The following COPS7A variants were observed in gnomAD, a reference collection of about 807,000 sequenced individuals.
The protein encoded by COPS7A is COP9 signalosome subunit 7A, also known as COP9 signalosome complex subunit 7a.
Under a neutral mutation model 35.2 loss-of-function variants are expected in COPS7A, and 20 were observed. The ratio of observed to expected loss-of-function variants is 0.57; its 90% CI spans 0.40 to 0.83. COPS7A has a LOEUF of 0.83. Among genes scored for constraint, COPS7A ranks in the 40% least tolerant of loss-of-function variants. The pLI is 0.00. For synonymous variants in COPS7A, 139 were observed against 141.4 expected (o/e 0.98, Z 0.12); for missense variants, 247 against 347.5 (o/e 0.71, Z 2.30).
chr12:6,731,377 G>C lies in COPS7A; in HGVS notation c.*338G>C. On this transcript the variant is annotated 3_prime_UTR_variant, in exon 8 of 8. Transcript: ENST00000543155. ...GCCCTGATGGGGGTCGCTCTGTCTG[G>C]AGCATAACCCACAGGCGTTTTTTCT... 3 of 1,323,738 alleles carry C rather than the reference G, an allele frequency of 2.3e-6. No homozygotes were observed. Among genetic ancestry groups the C allele is most frequent in the Non-Finnish European group, 2.9e-6 (3 of 1,027,762 alleles). 82.0% of individuals were successfully genotyped at this position (1,323,738 alleles called of 1,614,324 possible). A position where few individuals can be genotyped will look rare whatever the true frequency, so the allele number is the denominator to read the frequency against.
rs1017401342 is a variant in COPS7A at position 6,729,945 on chromosome 12, C to T, written c.531-457C>T. ...GCTTCCTTATCCCTCTCTGACCACA[C>T]CGAGTGTCCATCCCACTGCTAGGAG... On this transcript the variant is annotated intron_variant, in intron 5 of 7. Transcript: ENST00000543155. The surrounding 1 kb of genome is among the most constrained non-coding windows in gnomAD (Gnocchi z 4.2). Among the ~76,000 whole-genome samples the T allele has an allele frequency of 2.0e-5, 3 of 152,192 alleles. No individual in the cohort carries two copies. Among genetic ancestry groups the T allele is most frequent in the Admixed American group, 1.3e-4 (2 of 15,274 alleles).
chr12:6,725,884 T>C (rs1245630246), intron 2 of COPS7A: 1 of 456,072 alleles, frequency 2.2e-6, no homozygotes, highest in African/African-American at 2.0e-5. Context: ...AGAGTATCAA[T>C]CAAAGTGATG....
intron 2 of COPS7A, chr12:6,727,695 G>A (rs1319161662): frequency 4.6e-6 from 3 of 657,602 alleles, no homozygotes; most frequent in Admixed American, 4.1e-5. Flanking sequence ...GACGTATGGA[G>A]CAAGAGGGCA....
rs150649725 is a variant in COPS7A at position 6,729,336 on chromosome 12, C to T, written c.417C>T (p.Asp139=). The T allele has an allele frequency of 7.4e-5, 119 of 1,614,064 alleles. No homozygotes were observed. Among genetic ancestry groups the T allele is most frequent in the Non-Finnish European group, 9.0e-5 (106 of 1,180,046 alleles). The change falls in exon 5 of 8, where the codon GAC becomes GAT. Residue 139 remains aspartate (D), a synonymous_variant. Coordinates refer to ENST00000543155, the MANE Select transcript of COPS7A (RefSeq NM_001164094.2). This position sits in a 1 kb window ranked among gnomAD's most constrained non-coding sequence, Gnocchi z 4.2. ...TTGTGATTGAGGCTGTGTATGCTGA[C>T]GTGCTTCGTGGCTCCCTGGACCAGC... ...EDLVIEAVYA[D]VLRGSLDQRN...
At chr12:6,728,893 G>A (rs1337961305) in intron 4 of COPS7A, 1 of 318,058 alleles carries the variant, frequency 3.1e-6, no homozygotes, top group Non-Finnish European at 6.0e-6. Flanking sequence ...TCCCACTTCT[G>A]CTTACTCCCC....
Position 6,725,420 on chromosome 12 carries a change from G to A in COPS7A, c.162+602G>A, listed in dbSNP as rs1319769024. On this transcript the variant is annotated intron_variant, in intron 2 of 7. Coordinates refer to ENST00000543155, the MANE Select transcript of COPS7A (RefSeq NM_001164094.2). ...GATCCGCCCGCCTTGACCTCCCAAG[G>A]TGCTGGGATTACAGGCTTGAGCCAC... 6.6e-5 allele frequency among the ~76,000 whole-genome samples: 10 copies of A among 152,244 alleles called. No homozygotes were observed. In the South Asian group the frequency reaches 1.0e-3, roughly 16 times the overall value.
intron 5 of COPS7A, 130 bp from the exon 6 acceptor site, chr12:6,730,272 C>T (rs747243072): frequency 3.8e-6 from 3 of 795,442 alleles, no homozygotes; most frequent in Non-Finnish European, 6.3e-6. Flanking sequence ...CCATCTTGGC[C>T]TCCCAAAATG....
In COPS7A at chr12:6,724,965, C is replaced by A. The variant is rs1941213991; in HGVS notation, c.162+147C>A. 3 of 836,926 alleles carry A rather than the reference C, an allele frequency of 3.6e-6. No individual in the cohort carries two copies. In the South Asian group the frequency reaches 5.3e-5, roughly 15 times the overall value. The allele number at this position is 836,926 out of a possible 1,614,324, so 51.8% of individuals were successfully genotyped here. ...ATTAAATGCCAACTTGCAGAAGTAA[C>A]CAGTGAACAAGCAAACCAGCTCTCC... On this transcript the variant is annotated intron_variant, in intron 2 of 7. Coordinates refer to ENST00000543155, the MANE Select transcript of COPS7A (RefSeq NM_001164094.2).
At position 6,729,937 on chromosome 12, in the gene COPS7A, T is replaced by C. The variant is rs1941350903; in HGVS notation, c.531-465T>C. The stretch of plus-strand genomic sequence containing the variant: ...CTCCAGGCGCTTCCTTATCCCTCTC[T>C]GACCACACCGAGTGTCCATCCCACT... On this transcript the variant is annotated intron_variant, in intron 5 of 7. Coordinates refer to ENST00000543155, the MANE Select transcript of COPS7A (RefSeq NM_001164094.2). This position sits in a 1 kb window ranked among gnomAD's most constrained non-coding sequence, Gnocchi z 4.2. 6.6e-6 allele frequency among the ~76,000 whole-genome samples: 1 copy of C among 152,220 alleles called. No individual in the cohort carries two copies. Among genetic ancestry groups the C allele is most frequent in the African/African-American group, 2.4e-5 (1 of 41,450 alleles).
At position 6,728,319 on chromosome 12, in the gene COPS7A, G is replaced by A; in HGVS notation, c.327+8G>A. Reference sequence around the variant, plus strand: ...CTGGCTGCTAAAGTAAAGGTGAGTGGCAGTCCCCCAGTCCTACGGTCTAGA... The same window carrying A: ...CTGGCTGCTAAAGTAAAGGTGAGTGACAGTCCCCCAGTCCTACGGTCTAGA... On this transcript the variant is annotated splice_region_variant and intron_variant, in intron 4 of 7. Coordinates refer to ENST00000543155, the MANE Select transcript of COPS7A (RefSeq NM_001164094.2). The A allele has an allele frequency of 5.0e-6, 8 of 1,610,348 alleles. No individual in the cohort carries two copies. Among genetic ancestry groups the A allele is most frequent in the Non-Finnish European group, 5.9e-6 (7 of 1,176,648 alleles).
In COPS7A at chr12:6,731,504, C is replaced by T; in HGVS notation, c.*465C>T. ...ATAGGGCCCCCACCTTTACTCACAC[C>T]CTGAGAATTCTGGGAGCCAGTCTGC... is the stretch of plus-strand genomic sequence containing the variant. On this transcript the variant is annotated 3_prime_UTR_variant, in exon 8 of 8. Coordinates refer to ENST00000543155, the MANE Select transcript of COPS7A (RefSeq NM_001164094.2). 1 of 245,946 alleles carries T rather than the reference C, an allele frequency of 4.1e-6. No individual in the cohort carries two copies. Among genetic ancestry groups the T allele is most frequent in the African/African-American group, 2.2e-5 (1 of 44,798 alleles). 15.2% of individuals were successfully genotyped at this position (245,946 alleles called of 1,614,324 possible). A position where few individuals can be genotyped will look rare whatever the true frequency, so the allele number is the denominator to read the frequency against.
Position 6,724,629 on chromosome 12 carries a change from G to A in COPS7A, c.-28G>A, listed in dbSNP as rs948759981. 1.9e-6 allele frequency: 3 copies of A among 1,613,690 alleles called. No individual in the cohort carries two copies. The African/African-American group carries it at 4.0e-5, about 22-fold the overall frequency. ...TTCCTTGCAGCTCTGGACATCCTGA[G>A]CCCAAGTCCCCCACACTCAGTGCAG... On this transcript the variant is annotated 5_prime_UTR_variant, in exon 2 of 8. Transcript: ENST00000543155.
chr12:6,725,121 G>C (rs1161336825), intron 2 of COPS7A, among the ~76,000 whole-genome samples: 1 of 151,144 alleles, frequency 6.6e-6, no homozygotes, highest in Non-Finnish European at 1.5e-5. Flanking sequence ...ATGTCACCTT[G>C]ATCAGGTCAC....
In COPS7A at chr12:6,725,721, CAGA is replaced by C. The variant is rs1278192105; in HGVS notation, c.162+904_162+906del. On this transcript the variant is annotated intron_variant, in intron 2 of 7. Coordinates refer to ENST00000543155, the MANE Select transcript of COPS7A (RefSeq NM_001164094.2). ...AAAAGTGGCAGAGTTAATTTACAAT[CAGA>C]GGAGGCAGCCTGAGTCCTGACATGC... 6.6e-6 allele frequency: 3 copies of C among 455,996 alleles called. No homozygotes were observed. In the East Asian group the frequency reaches 2.1e-4, roughly 32 times the overall value. 28.2% of individuals were successfully genotyped at this position (455,996 alleles called of 1,614,324 possible).
rs199528968 is a variant in COPS7A, at chr12:6,724,834, G to C, written c.162+16G>C. 1.9e-6 allele frequency: 3 copies of C among 1,613,584 alleles called. No homozygotes were observed. Among genetic ancestry groups the C allele is most frequent in the Non-Finnish European group, 1.7e-6 (2 of 1,179,608 alleles). On this transcript the variant is annotated intron_variant, in intron 2 of 7. Transcript: ENST00000543155. Reference sequence around the variant, plus strand: ...TGTTAGAGAGGTGGGTTGCTGGCTTGAATAGCCCTCAGAGAAGCGTGGGCA... The same window carrying C: ...TGTTAGAGAGGTGGGTTGCTGGCTTCAATAGCCCTCAGAGAAGCGTGGGCA...
At chr12:6,725,139 T>A (rs1941218209) in intron 2 of COPS7A, among the ~76,000 whole-genome samples, 1 of 151,952 alleles carries the variant, frequency 6.6e-6, no homozygotes, top group Non-Finnish European at 1.5e-5. Context: ...CACTTTTGTT[T>A]TAGGGCTTCA....
rs1941344731 is a variant in COPS7A at position 6,729,698 on chromosome 12, C to A, written c.530+249C>A. Among the ~76,000 whole-genome samples, 1 of 152,164 alleles carries A rather than the reference C, an allele frequency of 6.6e-6. No individual in the cohort carries two copies. The highest frequency in any genetic ancestry group is 1.5e-5 in the Non-Finnish European group (1 of 68,026). ...AGGGAGTGGTATACTTAAGGGGATC[C>A]TAACCAGCAAGGTCGGTCGCCTGTC... On this transcript the variant is annotated intron_variant, in intron 5 of 7. Coordinates refer to ENST00000543155, the MANE Select transcript of COPS7A (RefSeq NM_001164094.2). This position sits in a 1 kb window ranked among gnomAD's most constrained non-coding sequence, Gnocchi z 4.2.
rs1272479324 is a variant in COPS7A at position 6,729,003 on chromosome 12, CAG to C, written c.328-243_328-242del. ...GTCATTTTCTCCTTCTGTGGTGTGT[CAG>C]GGGTGAGGGTGTTAGGGGAGCATTT... On this transcript the variant is annotated intron_variant, in intron 4 of 7. Coordinates refer to ENST00000543155, the MANE Select transcript of COPS7A (RefSeq NM_001164094.2). This position sits in a 1 kb window ranked among gnomAD's most constrained non-coding sequence, Gnocchi z 4.2. The C allele has an allele frequency of 5.9e-6, 3 of 508,346 alleles. No homozygotes were observed. Among genetic ancestry groups the C allele is most frequent in the Non-Finnish European group, 3.6e-6 (1 of 279,658 alleles). The allele number at this position is 508,346 out of a possible 1,614,324, so 31.5% of individuals were successfully genotyped here.
chr12:6,724,501 G>A, intron 1 of COPS7A, 113 bp from the exon 2 acceptor site: 4 of 877,746 alleles, frequency 4.6e-6, no homozygotes, highest in Non-Finnish European at 5.6e-6. Context: ...CTCCATGTCT[G>A]ATTCCTCACC....
Sources: gnomAD v4.1 joint callset for allele counts (sites outside exome capture counted in the v4.1 genomes callset) on GRCh38, gnomAD v4.1.1 for gene constraint, Gnocchi (gnomAD v3.1) non-coding constraint, MANE v1.5 for transcripts, NCBI Gene and HGNC (gene_info 2026-07-23, HGNC 2026-07-21) for gene names.